Variants in RLN2 observed in about 807,000 individuals in gnomAD.
The protein encoded by RLN2 is prorelaxin H2.
In RLN2, 10 loss-of-function variants were observed where a neutral mutation model predicts 7.3. The observed-to-expected ratio is 1.36, with a 90% CI of 0.84 to 2.31. RLN2 has a LOEUF of 2.31. Among genes scored for constraint, RLN2 ranks in the 30% most tolerant of loss-of-function variants. The probability of loss-of-function intolerance (pLI) is 0.00; values close to 1 mark genes in which losing one functional copy is unlikely to be tolerated. For synonymous variants in RLN2, 103 were observed against 82.3 expected, an observed-to-expected ratio of 1.25 and a Z score of -1.36; for missense variants, 298 against 217.6, an observed-to-expected ratio of 1.37 and a Z score of -2.32.
At chr9:5,319,114 C>G in the RLN2 span, among the ~76,000 whole-genome samples, 1 of 151,972 alleles carries the variant, frequency 6.6e-6, no homozygotes, top group Non-Finnish European at 1.5e-5. Context: ...TCATTAACAC[C>G]AAGTTTCATA....
chr9:5,306,435 C>T (rs1345298703), upstream of RLN2, among the ~76,000 whole-genome samples: 1 of 151,764 alleles, frequency 6.6e-6, no homozygotes, highest in African/African-American at 2.4e-5. Flanking sequence ...TAAAACTGTC[C>T]AGTACAATGC....
At position 5,300,046 on chromosome 9, in the gene RLN2, T is replaced by C; in HGVS notation, c.*52A>G. 1 of 1,149,960 alleles carries C rather than the reference T, an allele frequency of 8.7e-7. No homozygotes were observed. The highest frequency in any genetic ancestry group is 1.2e-6 in the Non-Finnish European group (1 of 801,238). 71.2% of individuals were successfully genotyped at this position (1,149,960 alleles called of 1,614,324 possible). A position where few individuals can be genotyped will look rare whatever the true frequency, so the allele number is the denominator to read the frequency against. On this transcript the variant is annotated 3_prime_UTR_variant, in exon 2 of 2. Transcript: ENST00000381627. ...ACCTGATAGAAGCATCAGTGAAATG[T>C]CATTAAGAATATGTGTGAATATTAT...
chr9:5,327,768 T>C, the RLN2 span, among the ~76,000 whole-genome samples: 4 of 151,958 alleles, frequency 2.6e-5, no homozygotes, highest in Admixed American at 6.6e-5. Context: ...CCCAGGCAAA[T>C]AGGTTCTAGA....
chr9:5,308,119 T>G (rs934898574), upstream of RLN2, among the ~76,000 whole-genome samples: 11 of 151,956 alleles, frequency 7.2e-5, no homozygotes, highest in African/African-American at 2.7e-4. Flanking sequence ...CCTCCAGTGC[T>G]GACTCTCCCC....
rs561292693 is a variant in RLN2, at chr9:5,302,151, G to A, written c.212-1707C>T. Among the ~76,000 whole-genome samples the A allele has an allele frequency of 9.6e-4, 146 of 152,206 alleles. 3 individuals are homozygous for A. Among genetic ancestry groups the A allele is most frequent in the African/African-American group, 6.3e-4 (26 of 41,516 alleles). On this transcript the variant is annotated intron_variant, in intron 1 of 1. Transcript: ENST00000381627. ...TGTATTAGGTTTGTTCATAGGCTGTGTATTTTATACTTTTATTAAAATTAT... is the reference window on the plus strand; with the variant it reads ...TGTATTAGGTTTGTTCATAGGCTGTATATTTTATACTTTTATTAAAATTAT...
At chr9:5,310,502 C>T in the RLN2 span, among the ~76,000 whole-genome samples, 15 of 151,986 alleles carry the variant, frequency 9.9e-5, no homozygotes, top group East Asian at 1.9e-4. Context: ...GTCTCTTCCT[C>T]GCTAGGGTGA....
At chr9:5,302,942 TA>T (rs1379108981) in intron 1 of RLN2, among the ~76,000 whole-genome samples, 1 of 140,818 alleles carries the variant, frequency 7.1e-6, no homozygotes, top group African/African-American at 2.7e-5. Flanking sequence ...AAAATTCACA[TA>T]TACTTTTCAA....
the RLN2 span, among the ~76,000 whole-genome samples, chr9:5,337,657 A>G: frequency 6.6e-6 from 1 of 152,034 alleles, no homozygotes; most frequent in African/African-American, 2.4e-5. Flanking sequence ...AATTACTGAC[A>G]TGTACTTCCA....
chr9:5,335,405 T>C, the RLN2 span: 21 of 1,613,668 alleles, frequency 1.3e-5, 1 homozygote, highest in Middle Eastern at 1.6e-3. Context: ...ACTTTGCCTA[T>C]TGCGAATAAG....
upstream of RLN2, chr9:5,304,778 C>A: frequency 1.7e-6 from 1 of 605,270 alleles, no homozygotes; most frequent in South Asian, 2.0e-5. Flanking sequence ...CTTTCCCACA[C>A]CCCTCCACAG....
rs763646794 is a variant in RLN2, at chr9:5,300,279, A to G, written c.377T>C (p.Phe126Ser). ...VPVLKDSSLLFEEFKKLIRNR... is the reference protein window; with the variant it reads ...VPVLKDSSLLSEEFKKLIRNR... ...GCGAATAAGTTTCTTAAATTCTTCA[A>G]AGAGAAGACTGGAATCTTTTAATAC... is the stretch of plus-strand genomic sequence containing the variant. Residue 126 changes from phenylalanine to serine, a missense_variant, in exon 2 of 2, where the codon TTT (phenylalanine) becomes TCT (serine). By Grantham distance (155) the Phe-to-Ser change is radical (BLOSUM62 -2). Coordinates refer to ENST00000381627, the MANE Select transcript of RLN2 (RefSeq NM_134441.3). The G allele has an allele frequency of 4.5e-5, 72 of 1,613,956 alleles. No homozygotes were observed. Among genetic ancestry groups the G allele is most frequent in the Non-Finnish European group, 5.7e-5 (67 of 1,179,964 alleles).
At position 5,304,593 on chromosome 9, in the gene RLN2, C is replaced by G. The variant is rs372892786; in HGVS notation, c.-13G>C. Reference sequence around the variant, plus strand: ...ACAGGCGAGGCATCCTGGGCCTGGTCTCTCCTGGAGGTCGGGACGTTGCAG... The same window carrying G: ...ACAGGCGAGGCATCCTGGGCCTGGTGTCTCCTGGAGGTCGGGACGTTGCAG... On this transcript the variant is annotated 5_prime_UTR_variant, in exon 1 of 2. Transcript: ENST00000381627. The G allele has an allele frequency of 1.9e-6, 3 of 1,612,984 alleles. No individual in the cohort carries two copies. Among genetic ancestry groups the G allele is most frequent in the Admixed American group, 3.3e-5 (2 of 59,982 alleles).
chr9:5,335,450 T>C, the RLN2 span: 1 of 1,613,796 alleles, frequency 6.2e-7, no homozygotes, highest in Non-Finnish European at 8.5e-7. Flanking sequence ...ATTGGAATCC[T>C]TTAATGCAGG....
Position 5,304,684 on chromosome 9 carries a change from C to T in RLN2, c.-104G>A. ...CTGTGTGCCTGTCCCGGGCTTTAGG[C>T]TGCTTTCCCTACCCGGCTCAAGCGG... On this transcript the variant is annotated 5_prime_UTR_variant, in exon 1 of 2. Transcript: ENST00000381627. 7.7e-6 allele frequency: 9 copies of T among 1,170,850 alleles called. No individual in the cohort carries two copies. Among genetic ancestry groups the T allele is most frequent in the Non-Finnish European group, 1.0e-5 (8 of 799,120 alleles). 72.5% of individuals were successfully genotyped at this position (1,170,850 alleles called of 1,614,324 possible). A position where few individuals can be genotyped will look rare whatever the true frequency, so the allele number is the denominator to read the frequency against.
rs754625197 is a variant in RLN2 at position 5,300,213 on chromosome 9, A to C, written c.443T>G (p.Leu148Ter). The C allele has an allele frequency of 5.0e-6, 8 of 1,614,052 alleles. No individual in the cohort carries two copies. The South Asian group carries it at 8.8e-5, about 18-fold the overall frequency. Residue 148 changes from leucine (L) to a stop codon, truncating the protein, a stop_gained, in exon 2 of 2, where the codon TTA (leucine) becomes TGA (stop). Transcript: ENST00000381627. LOFTEE classifies it low-confidence loss of function (END_TRUNC). ...SEAADSSPSELKYLGLDTHSR... is the reference protein window; with the variant it reads ...SEAADSSPSE ...ATGAGTATCCAAGCCTAAGTATTTT[A>C]ATTCTGAAGGACTGCTGTCTGCGGC...
At chr9:5,332,251 T>C in the RLN2 span, among the ~76,000 whole-genome samples, 1 of 152,084 alleles carries the variant, frequency 6.6e-6, no homozygotes, top group Non-Finnish European at 1.5e-5. Context: ...GTACATATGT[T>C]TGTATGTGCA....
the RLN2 span, among the ~76,000 whole-genome samples, chr9:5,328,751 A>G: frequency 8.4e-5 from 10 of 118,440 alleles, no homozygotes; most frequent in African/African-American, 3.8e-4. Context: ...AGCGGGGGCC[A>G]ATATTCAACA....
chr9:5,306,388 G>A (rs1325350263), upstream of RLN2, among the ~76,000 whole-genome samples: 1 of 151,870 alleles, frequency 6.6e-6, no homozygotes, highest in Non-Finnish European at 1.5e-5. Context: ...GGGATATTTT[G>A]ATTTTTTATG....
intron 1 of RLN2, 41 bp from the exon 2 acceptor site, chr9:5,300,485 C>G (rs1230663383): frequency 7.4e-7 from 1 of 1,344,630 alleles, no homozygotes. Context: ...AGGGTATATT[C>G]ATGTCAAAGA....
Sources: gnomAD v4.1 joint callset for allele counts (sites outside exome capture counted in the v4.1 genomes callset) on GRCh38, gnomAD v4.1.1 for gene constraint, MANE v1.5 for transcripts, NCBI Gene and HGNC (gene_info 2026-07-23, HGNC 2026-07-21) for gene names.